Variants in ELF2 observed in about 807,000 individuals in gnomAD.
The protein encoded by ELF2 is E74 like ETS transcription factor 2.
A neutral mutation model predicts 54.8 loss-of-function variants in ELF2; 11 were observed. That is an observed-to-expected ratio of 0.20 (90% confidence interval 0.13 to 0.33). The LOEUF (loss-of-function observed/expected upper bound fraction) is 0.33, where lower values mean the gene tolerates loss of function less well. Ranked by LOEUF, ELF2 falls within the 10% of genes least tolerant of loss-of-function variation. The pLI, the probability that ELF2 is intolerant of heterozygous loss-of-function variation, is 1.00. For missense variants in ELF2, 513 were observed against 703.0 expected (o/e 0.73, Z 3.06); for synonymous variants, 203 against 245.1 (o/e 0.83, Z 1.61).
intron 4 of ELF2, among the ~76,000 whole-genome samples, chr4:139,089,913 T>A (rs571119477): frequency 1.3e-5 from 2 of 152,218 alleles, no homozygotes; most frequent in East Asian, 3.9e-4. Context: ...CAACAAACAG[T>A]TTCTAGGTCA....
rs4863628 is a variant in ELF2 at position 139,084,140 on chromosome 4, G to A, written c.239-10573C>T. 5.6e-5 allele frequency: 90 copies of A among 1,613,548 alleles called. No individual in the cohort carries two copies. The African/African-American group carries it at 1.1e-3, about 20-fold the overall frequency. ...AAGTTCCCCTGTCCTTACCGGCCCG[G>A]ATGAGCAGATCCAGCTGGTTCGTGG... On this transcript the variant is annotated intron_variant, in intron 4 of 9. Coordinates refer to ENST00000686138, the MANE Select transcript of ELF2 (RefSeq NM_001331036.3).
At chr4:139,066,928 T>C (rs1728793398) in intron 7 of ELF2, 1 of 152,052 alleles carries the variant, frequency 6.6e-6, no homozygotes, top group African/African-American at 2.4e-5. Flanking sequence ...CTGACATTTA[T>C]TGATTGGAAA....
Position 139,059,611 on chromosome 4 carries a change from G to A in ELF2, c.1158-4C>T. The A allele has an allele frequency of 1.2e-6, 2 of 1,601,980 alleles. No individual in the cohort carries two copies. Among genetic ancestry groups the A allele is most frequent in the Non-Finnish European group, 1.7e-6 (2 of 1,175,984 alleles). On this transcript the variant is annotated splice_polypyrimidine_tract_variant and splice_region_variant and intron_variant, in intron 9 of 9. Transcript: ENST00000686138. ...CTGCATTGCCACACGAACTGTCCTA[G>A]TACATTAGAAAGAAAAAAGCTGATT...
chr4:139,122,495 G>GC (rs1157675168), intron 4 of ELF2, among the ~76,000 whole-genome samples: 3 of 30,930 alleles, frequency 9.7e-5, no homozygotes, highest in Non-Finnish European at 1.7e-4. Flanking sequence ...TCTTTTTTTA[G>GC]TTTTTGTTTT....
At chr4:139,071,550 T>A (rs934923623) in intron 6 of ELF2, among the ~76,000 whole-genome samples, 6 of 151,944 alleles carry the variant, frequency 3.9e-5, no homozygotes, top group Non-Finnish European at 7.4e-5. Context: ...CAAGTACCCA[T>A]AAAAGGATCA....
rs115141976 is a variant in ELF2, at chr4:139,081,242, C to T, written c.239-7675G>A. On this transcript the variant is annotated intron_variant, in intron 4 of 9. Coordinates refer to ENST00000686138, the MANE Select transcript of ELF2 (RefSeq NM_001331036.3). The stretch of plus-strand genomic sequence containing the variant: ...ATGACAGTGAGTTTTAATAAATAAG[C>T]TTATTTATTTCATCCTTTACTCAAA... Among the ~76,000 whole-genome samples, 574 of 152,122 alleles carry T rather than the reference C, an allele frequency of 3.8e-3. 4 individuals are homozygous for T. The highest frequency in any genetic ancestry group is 0.013 in the African/African-American group (557 of 41,490).
intron 3 of ELF2, among the ~76,000 whole-genome samples, chr4:139,128,408 CGTATACTT>C (rs1467321383): frequency 6.6e-6 from 1 of 152,086 alleles, no homozygotes; most frequent in Non-Finnish European, 1.5e-5. Flanking sequence ...TCGATCGAGA[CGTATACTT>C]GTATACATTT....
chr4:139,157,284 G>A (rs1478931514), intron 1 of ELF2, among the ~76,000 whole-genome samples: 1 of 152,136 alleles, frequency 6.6e-6, no homozygotes. Context: ...AATCTTACAG[G>A]ACTACTGTTG....
In ELF2 at chr4:139,156,689, G is replaced by C. The variant is rs1740588401; in HGVS notation, c.-251-17192C>G. On this transcript the variant is annotated intron_variant, in intron 1 of 9. Coordinates refer to ENST00000686138, the MANE Select transcript of ELF2 (RefSeq NM_001331036.3). ...GAGTCTCACTCCATCACCCAGGCTGGAGTGCAGTGGTGCCATCTCAGCTCA... is the reference window on the plus strand; with the variant it reads ...GAGTCTCACTCCATCACCCAGGCTGCAGTGCAGTGGTGCCATCTCAGCTCA... Among the ~76,000 whole-genome samples, 3 of 151,900 alleles carry C rather than the reference G, an allele frequency of 2.0e-5. No homozygotes were observed. In the South Asian group the frequency reaches 6.2e-4, roughly 32 times the overall value.
At chr4:139,152,935 G>A (rs113798034) in intron 1 of ELF2, among the ~76,000 whole-genome samples, 11 of 124,096 alleles carry the variant, frequency 8.9e-5, no homozygotes, top group African/African-American at 2.2e-4. Context: ...TTGGTCTGTC[G>A]CCCAGGCTGA....
intron 4 of ELF2, among the ~76,000 whole-genome samples, chr4:139,082,236 C>T (rs1731218016): frequency 6.6e-6 from 1 of 152,210 alleles, no homozygotes; most frequent in Non-Finnish European, 1.5e-5. Context: ...AACAACATCT[C>T]TTGAACTGTA....
At chr4:139,084,222 A>G in intron 4 of ELF2, 2 of 1,612,240 alleles carry the variant, frequency 1.2e-6, no homozygotes, top group Non-Finnish European at 1.7e-6. Flanking sequence ...GCTGCTTCAC[A>G]TTGACTTACA....
intron 3 of ELF2, among the ~76,000 whole-genome samples, chr4:139,125,779 C>CAAAAA (rs367767700): frequency 1.0e-5 from 1 of 96,568 alleles, no homozygotes; most frequent in Non-Finnish European, 2.2e-5. Flanking sequence ...AGTCTGGCAG[C>CAAAAA]AAAAAAAAAA....
At chr4:139,145,804 T>C (rs985946291) in intron 1 of ELF2, among the ~76,000 whole-genome samples, 4 of 152,138 alleles carry the variant, frequency 2.6e-5, no homozygotes, top group African/African-American at 7.2e-5. Flanking sequence ...ATTGTTTCAA[T>C]AGATGCAGAA....
intron 4 of ELF2, among the ~76,000 whole-genome samples, chr4:139,122,540 C>A (rs1217682743): frequency 6.8e-6 from 1 of 146,076 alleles, no homozygotes; most frequent in Non-Finnish European, 1.5e-5. Flanking sequence ...CTCGCTATGT[C>A]CCCCAGCCTG....
At chr4:139,115,115 C>T in intron 4 of ELF2, 1 of 1,613,882 alleles carries the variant, frequency 6.2e-7, no homozygotes, top group Non-Finnish European at 8.5e-7. Context: ...ATCTCCTCTT[C>T]CTGGCAGTCG....
At position 139,059,516 on chromosome 4, in the gene ELF2, C is replaced by T. The variant is rs1186192886; in HGVS notation, c.1249G>A (p.Ala417Thr). 1.9e-6 allele frequency: 3 copies of T among 1,613,756 alleles called. No individual in the cohort carries two copies. The highest frequency in any genetic ancestry group is 2.5e-6 in the Non-Finnish European group (3 of 1,179,854). The change falls in exon 10 of 10, where the codon GCA (alanine) becomes ACA (threonine). Residue 417 changes from alanine to threonine, a missense_variant. Around this residue, in one of 3 missense-constraint regions of ELF2, gnomAD observed 291 missense variants for 366.1 expected, o/e 0.79. Coordinates refer to ENST00000686138, the MANE Select transcript of ELF2 (RefSeq NM_001331036.3). ...TVAVQSVNAG[A>T]PLITSTSPTT... ...GGACTAGTGCTGGTTATTAATGGTG[C>T]ACCTGCATTAACTGACTGAACTGCC...
chr4:139,119,251 G>A (rs369533832), intron 4 of ELF2, among the ~76,000 whole-genome samples: 4 of 152,086 alleles, frequency 2.6e-5, no homozygotes, highest in South Asian at 2.1e-4. Flanking sequence ...TTATTTCCAC[G>A]GCTTTAAATG....
chr4:139,072,270 C>A, intron 5 of ELF2: 1 of 442,018 alleles, frequency 2.3e-6, no homozygotes, highest in South Asian at 2.8e-5. Context: ...CTGGGTAAGG[C>A]AAGGATCATG....
Sources: allele counts gnomAD v4.1 joint callset (sites outside exome capture counted in the v4.1 genomes callset), GRCh38; gene constraint gnomAD v4.1.1; regional missense constraint gnomAD v4.1.1; transcripts MANE v1.5; gene names NCBI Gene and HGNC (gene_info 2026-07-23, HGNC 2026-07-21).